RASSF9: variants seen among roughly 807,000 people sequenced by gnomAD.
RASSF9 encodes the protein Ras association domain family member 9.
Under a neutral mutation model 21.4 loss-of-function variants are expected in RASSF9, and 18 were observed. That is an observed-to-expected ratio of 0.84 (90% CI 0.58 to 1.25). The LOEUF is 1.25. Among genes scored for constraint, RASSF9 ranks in the 50% most tolerant of loss-of-function variants. The probability of loss-of-function intolerance (pLI) is 0.00; values close to 1 mark genes in which losing one functional copy is unlikely to be tolerated. For missense variants in RASSF9, 480 were observed against 503.2 expected, an observed-to-expected ratio of 0.95 and a Z score of 0.44; for synonymous variants, 183 against 179.1, an observed-to-expected ratio of 1.02 and a Z score of -0.18.
At chr12:85,826,922 T>C (rs933798354) in intron 1 of RASSF9, among the ~76,000 whole-genome samples, 2 of 152,200 alleles carry the variant, frequency 1.3e-5, no homozygotes, top group African/African-American at 4.8e-5. Flanking sequence ...CTGATACTAT[T>C]ATGCCAAATA....
intron 1 of RASSF9, among the ~76,000 whole-genome samples, chr12:85,822,978 A>G (rs1321015266): frequency 1.3e-5 from 2 of 152,098 alleles, no homozygotes; most frequent in African/African-American, 2.4e-5. Context: ...AGGCGGGCGG[A>G]TCACGAGGTC....
At chr12:85,828,193 A>T (rs1163036154) in intron 1 of RASSF9, among the ~76,000 whole-genome samples, 1 of 152,106 alleles carries the variant, frequency 6.6e-6, no homozygotes, top group Non-Finnish European at 1.5e-5. Flanking sequence ...GTGTGTGTGT[A>T]TTTAAGTAGA....
chr12:85,816,188 C>T (rs1880060006), intron 1 of RASSF9, among the ~76,000 whole-genome samples: 1 of 151,488 alleles, frequency 6.6e-6, no homozygotes, highest in East Asian at 1.9e-4. Context: ...GAGGTTCAGG[C>T]AAAATAACTA....
At chr12:85,833,762 G>A (rs1489169856) in intron 1 of RASSF9, among the ~76,000 whole-genome samples, 1 of 151,788 alleles carries the variant, frequency 6.6e-6, no homozygotes, top group Non-Finnish European at 1.5e-5. Flanking sequence ...ATATCATAAG[G>A]CATATAAATA....
Position 85,830,558 on chromosome 12 carries a change from C to T in RASSF9, c.47+5597G>A, listed in dbSNP as rs148386296. Reference sequence around the variant, plus strand: ...TCCCTGCTCTGATTGGACCTATACTCAATGATTTTTTTAACAGAATGTTTA... The same window carrying T: ...TCCCTGCTCTGATTGGACCTATACTTAATGATTTTTTTAACAGAATGTTTA... On this transcript the variant is annotated intron_variant, in intron 1 of 1. Transcript: ENST00000361228. 3.2e-3 allele frequency among the ~76,000 whole-genome samples: 482 copies of T among 152,182 alleles called. 3 individuals are homozygous for T. The highest frequency in any genetic ancestry group is 0.011 in the African/African-American group (461 of 41,532).
intron 1 of RASSF9, among the ~76,000 whole-genome samples, chr12:85,828,307 G>A (rs1197747229): frequency 6.6e-6 from 1 of 152,056 alleles, no homozygotes; most frequent in African/African-American, 2.4e-5. Flanking sequence ...GCACAACAGT[G>A]TGGTTGTAGG....
intron 1 of RASSF9, among the ~76,000 whole-genome samples, chr12:85,826,889 C>A (rs909842528): frequency 6.6e-6 from 1 of 152,166 alleles, no homozygotes; most frequent in South Asian, 2.1e-4. Flanking sequence ...ATAAAATAAT[C>A]TGTTTGGCCA....
rs1215367417 is a variant in RASSF9 at position 85,805,949 on chromosome 12, C to G, written c.61G>C (p.Asp21His). The G allele has an allele frequency of 6.2e-7, 1 of 1,602,522 alleles. No individual in the cohort carries two copies. Among genetic ancestry groups the G allele is most frequent in the Non-Finnish European group, 8.5e-7 (1 of 1,173,398 alleles). The change falls in exon 2 of 2, where the codon GAC (aspartate) becomes CAC (histidine). Residue 21 changes from aspartate to histidine, a missense_variant. Transcript: ENST00000361228. The part of the protein sequence containing the change: ...TRHKNRSPTK[D>H]MDSEEKEIVV... ...ATTTCCTTCTCTTCTGAATCCATGTCTTTAGTTGGAGATCTGAAAGAAAAA... is the reference window on the plus strand; with the variant it reads ...ATTTCCTTCTCTTCTGAATCCATGTGTTTAGTTGGAGATCTGAAAGAAAAA...
At chr12:85,812,889 TG>T (rs1228478816) in intron 1 of RASSF9, among the ~76,000 whole-genome samples, 2 of 151,794 alleles carry the variant, frequency 1.3e-5, no homozygotes, top group East Asian at 3.8e-4. Flanking sequence ...TCAACTAGTC[TG>T]TTTTTTTATT....
chr12:85,820,119 GTT>G (rs901050468), intron 1 of RASSF9, among the ~76,000 whole-genome samples: 20 of 152,224 alleles, frequency 1.3e-4, no homozygotes, highest in East Asian at 1.2e-3. Flanking sequence ...CTAGGAATGT[GTT>G]TTACATTTTT....
Position 85,804,745 on chromosome 12 carries a change from T to C in RASSF9, c.1265A>G (p.Asp422Gly). The change falls in exon 2 of 2, where the codon GAC becomes GGC. Residue 422 changes from aspartate to glycine, a missense_variant. Coordinates refer to ENST00000361228, the MANE Select transcript of RASSF9 (RefSeq NM_005447.4). Reference protein sequence around the residue: ...DTGISSNHSQDSETTVGDVVL... With the variant: ...DTGISSNHSQGSETTVGDVVL... ...CACATCTCCTACTGTTGTTTCGGAG[T>C]CCTGACTGTGGTTAGAACTGATACC... The C allele has an allele frequency of 6.2e-7, 1 of 1,611,652 alleles. No individual in the cohort carries two copies.
intron 1 of RASSF9, 26 bp downstream of exon 1, chr12:85,836,129 A>C: frequency 1.3e-6 from 2 of 1,551,290 alleles, no homozygotes; most frequent in Non-Finnish European, 1.7e-6. Flanking sequence ...AGACACACAC[A>C]CACTTACTCA....
rs138651561 is a variant in RASSF9, at chr12:85,830,919, A to G, written c.47+5236T>C. On this transcript the variant is annotated intron_variant, in intron 1 of 1. Transcript: ENST00000361228. ...TAAAGAATTAGCACTTAAGAAATCA[A>G]TGTTGTGTTTTGCCAATGTTGTGTT... 2.3e-3 allele frequency among the ~76,000 whole-genome samples: 346 copies of G among 152,276 alleles called. 2 individuals carry two copies. Among genetic ancestry groups the G allele is most frequent in the African/African-American group, 7.7e-3 (319 of 41,586 alleles).
At position 85,805,392 on chromosome 12, in the gene RASSF9, C is replaced by T. The variant is rs1879800809; in HGVS notation, c.618G>A (p.Glu206=). The change falls in exon 2 of 2, where the codon GAG becomes GAA. Residue 206 remains glutamate (E), a synonymous_variant. Transcript: ENST00000361228. ...TIHQQVKRMK[E]LDLEIEKCEA... ...CACACTTTTCAATTTCCAGATCCAG[C>T]TCTTTCATTCTCTTGACTTGCTGAT... is the stretch of plus-strand genomic sequence containing the variant. 6.2e-7 allele frequency: 1 copy of T among 1,613,562 alleles called. No homozygotes were observed. Among genetic ancestry groups the T allele is most frequent in the Non-Finnish European group, 8.5e-7 (1 of 1,179,722 alleles).
intron 1 of RASSF9, among the ~76,000 whole-genome samples, chr12:85,806,928 T>C (rs938710090): frequency 5.9e-5 from 9 of 152,068 alleles, no homozygotes; most frequent in Admixed American, 5.2e-4. Context: ...GCCAACTATA[T>C]GCCAGACACA....
At position 85,802,087 on chromosome 12, in the gene RASSF9, G is replaced by A. The variant is rs913704593; in HGVS notation, c.*2615C>T. 1.3e-5 allele frequency: 2 copies of A among 152,172 alleles called. No individual in the cohort carries two copies. Among genetic ancestry groups the A allele is most frequent in the Non-Finnish European group, 2.9e-5 (2 of 68,038 alleles). The allele number at this position is 152,172 out of a possible 1,614,324, so 9.4% of individuals were successfully genotyped here. ...GGAAGGATGACCAAGGATGAATCTAGGTCCTGTTACAGAAATTAAGAATAG... is the reference window on the plus strand; with the variant it reads ...GGAAGGATGACCAAGGATGAATCTAAGTCCTGTTACAGAAATTAAGAATAG... On this transcript the variant is annotated 3_prime_UTR_variant, in exon 2 of 2. Transcript: ENST00000361228.
At chr12:85,816,928 C>A (rs1880081659) in intron 1 of RASSF9, among the ~76,000 whole-genome samples, 1 of 151,904 alleles carries the variant, frequency 6.6e-6, no homozygotes, top group Non-Finnish European at 1.5e-5. Flanking sequence ...TAAAAACATG[C>A]CAGCAAACAA....
At chr12:85,807,222 A>G (rs1879855290) in intron 1 of RASSF9, among the ~76,000 whole-genome samples, 1 of 152,154 alleles carries the variant, frequency 6.6e-6, no homozygotes, top group Non-Finnish European at 1.5e-5. Flanking sequence ...ATAAGGATCT[A>G]GGGACAGCAA....
intron 1 of RASSF9, among the ~76,000 whole-genome samples, chr12:85,815,311 G>C (rs1459082409): frequency 6.6e-6 from 1 of 152,082 alleles, no homozygotes; most frequent in East Asian, 1.9e-4. Context: ...TTGTTGTCCA[G>C]AAGACATTCT....
Sources: allele counts gnomAD v4.1 joint callset (sites outside exome capture counted in the v4.1 genomes callset), GRCh38; gene constraint gnomAD v4.1.1; transcripts MANE v1.5; gene names NCBI Gene and HGNC (gene_info 2026-07-23, HGNC 2026-07-21).